Variants in EPB41 observed in about 807,000 individuals in gnomAD.
The protein encoded by EPB41 is protein 4.1.
In EPB41, 65 loss-of-function variants were observed where a neutral mutation model predicts 108.0. That is an observed-to-expected ratio of 0.60 (90% CI 0.49 to 0.74). The LOEUF is 0.74. Among genes scored for constraint, EPB41 ranks in the 30% least tolerant of loss-of-function variants. The pLI is 0.00. For synonymous variants in EPB41, 336 were observed against 358.9 expected (o/e 0.94, Z 0.72); for missense variants, 875 against 1,037.0 (o/e 0.84, Z 2.15).
chr1:29,017,557 G>T (rs1032768123), intron 6 of EPB41, among the ~76,000 whole-genome samples: 2 of 152,178 alleles, frequency 1.3e-5, no homozygotes, highest in Non-Finnish European at 2.9e-5. Context: ...GATGGGATTA[G>T]TCTTACAAGG....
intron 18 of EPB41, among the ~76,000 whole-genome samples, chr1:29,110,932 C>G (rs1668924336): frequency 6.6e-6 from 1 of 152,068 alleles, no homozygotes; most frequent in Admixed American, 6.6e-5. Context: ...TTTGGGAGGC[C>G]AAGGCGGGCG....
At chr1:29,067,090 C>T (rs914541530) in intron 16 of EPB41, among the ~76,000 whole-genome samples, 3 of 151,202 alleles carry the variant, frequency 2.0e-5, no homozygotes, top group African/African-American at 4.9e-5. Flanking sequence ...CTTGGTGGCT[C>T]ACACCTATAG....
chr1:29,076,658 C>G (rs1381743066), intron 16 of EPB41, among the ~76,000 whole-genome samples: 2 of 152,130 alleles, frequency 1.3e-5, no homozygotes. Flanking sequence ...GATTTATACC[C>G]CACCAGAAAA....
At chr1:29,014,621 A>G (rs2096553231) in intron 5 of EPB41, among the ~76,000 whole-genome samples, 2 of 152,032 alleles carry the variant, frequency 1.3e-5, no homozygotes, top group South Asian at 4.1e-4. Context: ...GCTGGAGTGG[A>G]GTGGCACAAT....
intron 11 of EPB41, among the ~76,000 whole-genome samples, chr1:29,047,700 G>A (rs1044341454): frequency 6.6e-6 from 1 of 151,842 alleles, no homozygotes; most frequent in Admixed American, 6.6e-5. Context: ...TTTTTGTTTC[G>A]AATAGCCTTG....
intron 16 of EPB41, chr1:29,069,103 T>G (rs1649961778): frequency 8.6e-7 from 1 of 1,166,552 alleles, no homozygotes; most frequent in Non-Finnish European, 1.1e-6. Context: ...CACTTTATTT[T>G]CTTTCAAAAA....
At chr1:28,960,515 C>T (rs964977639) in intron 1 of EPB41, among the ~76,000 whole-genome samples, 1 of 136,608 alleles carries the variant, frequency 7.3e-6, no homozygotes, top group Non-Finnish European at 1.5e-5. Context: ...ATCACTTGAG[C>T]GCAGGAGTTT....
At chr1:28,911,032 G>A (rs1225439609), upstream of EPB41, 1 of 985,256 alleles carries the variant, frequency 1.0e-6, no homozygotes, top group South Asian at 4.7e-5. Context: ...GGTACCTGAT[G>A]GCAGTCTCTG....
At chr1:29,030,518 C>T in intron 8 of EPB41, 31 bp downstream of exon 8, 3 of 1,459,876 alleles carry the variant, frequency 2.1e-6, no homozygotes, top group African/African-American at 2.8e-5. Flanking sequence ...TATTAATATG[C>T]ATGTGGAAGA....
At chr1:29,009,459 A>G (rs1219991489) in intron 4 of EPB41, among the ~76,000 whole-genome samples, 1 of 152,220 alleles carries the variant, frequency 6.6e-6, no homozygotes, top group African/African-American at 2.4e-5. Context: ...AGAATGGTTC[A>G]TAGAATCCCT....
chr1:29,077,936 G>A (rs1654765187), intron 16 of EPB41, among the ~76,000 whole-genome samples: 1 of 152,120 alleles, frequency 6.6e-6, no homozygotes. Flanking sequence ...AGAAAAATAA[G>A]GAGAGGGTGG....
At chr1:28,989,723 G>A (rs950112290) in intron 2 of EPB41, among the ~76,000 whole-genome samples, 12 of 152,090 alleles carry the variant, frequency 7.9e-5, no homozygotes, top group East Asian at 1.9e-4. Context: ...GGTTCAAATC[G>A]AAGAAAAGTG....
At chr1:29,037,618 T>C (rs1002877677) in intron 10 of EPB41, among the ~76,000 whole-genome samples, 4 of 151,642 alleles carry the variant, frequency 2.6e-5, no homozygotes, top group Admixed American at 6.6e-5. Context: ...AGTCTCACTC[T>C]GTTGCCCAGG....
intron 1 of EPB41, among the ~76,000 whole-genome samples, chr1:28,922,766 T>C (rs2093190665): frequency 1.3e-5 from 2 of 152,106 alleles, no homozygotes; most frequent in East Asian, 1.9e-4. Context: ...TACCTGGGAC[T>C]ATAGGTGTGT....
chr1:29,039,224 A>G, intron 10 of EPB41, 30 bp from the exon 11 acceptor site: 1 of 1,601,964 alleles, frequency 6.2e-7, no homozygotes, highest in Non-Finnish European at 8.5e-7. Context: ...TGAATATATA[A>G]TAATATGACT....
chr1:28,993,195 A>G, intron 2 of EPB41, 135 bp from the exon 3 acceptor site: 1 of 719,958 alleles, frequency 1.4e-6, no homozygotes, highest in South Asian at 1.7e-5. Context: ...TTTATAGAAA[A>G]ATATTTAATA....
At chr1:29,006,866 C>G (rs1030849420) in intron 4 of EPB41, among the ~76,000 whole-genome samples, 8 of 151,368 alleles carry the variant, frequency 5.3e-5, no homozygotes, top group African/African-American at 1.9e-4. Context: ...TGCCACTGCA[C>G]TCCTGCCTGG....
chr1:29,101,244 GAA>G (rs945267446), intron 17 of EPB41, among the ~76,000 whole-genome samples: 11 of 151,890 alleles, frequency 7.2e-5, no homozygotes, highest in African/African-American at 1.9e-4. Context: ...AAAAAAAAGA[GAA>G]AGAGAGAAAT....
At chr1:29,020,231 C>G (rs976253060) in intron 7 of EPB41, among the ~76,000 whole-genome samples, 3 of 152,018 alleles carry the variant, frequency 2.0e-5, no homozygotes, top group African/African-American at 7.2e-5. Context: ...ACACACCTGG[C>G]TAATTTTTTG....
Sources: gnomAD v4.1 joint callset for allele counts (sites outside exome capture counted in the v4.1 genomes callset) on GRCh38, gnomAD v4.1.1 for gene constraint, MANE v1.5 for transcripts, NCBI Gene and HGNC (gene_info 2026-07-23, HGNC 2026-07-21) for gene names.